The following PLD5 variants were observed in gnomAD, a reference collection of about 807,000 sequenced individuals.
PLD5 encodes the protein inactive phospholipase D5.
Under a neutral mutation model 61.1 loss-of-function variants are expected in PLD5, and 36 were observed. The ratio of observed to expected loss-of-function variants is 0.59; its 90% CI spans 0.45 to 0.78. The LOEUF is 0.78. Among genes scored for constraint, PLD5 ranks in the 30% least tolerant of loss-of-function variants. PLD5 has a pLI of 0.00. For synonymous variants in PLD5, 243 were observed against 242.8 expected, an observed-to-expected ratio of 1.00 and a Z score of -0.01; for missense variants, 515 against 644.4, an observed-to-expected ratio of 0.80 and a Z score of 2.17.
intron 5 of PLD5, among the ~76,000 whole-genome samples, chr1:242,198,024 G>C (rs1472160973): frequency 1.3e-5 from 2 of 152,146 alleles, no homozygotes; most frequent in African/African-American, 4.8e-5. Context: ...TAGCCCTACT[G>C]CTGCCAGTGG....
chr1:242,290,785 AC>A (rs1232160626), intron 2 of PLD5, among the ~76,000 whole-genome samples: 1 of 150,980 alleles, frequency 6.6e-6, no homozygotes, highest in Non-Finnish European at 1.5e-5. Flanking sequence ...TTCTTGCAAA[AC>A]CAACATATTG....
At chr1:242,471,471 C>A (rs1667446850) in intron 1 of PLD5, among the ~76,000 whole-genome samples, 1 of 151,958 alleles carries the variant, frequency 6.6e-6, no homozygotes, top group Non-Finnish European at 1.5e-5. Context: ...AATTCCTGAG[C>A]GAAATGGGTT....
intron 4 of PLD5, among the ~76,000 whole-genome samples, chr1:242,227,661 G>C (rs930156533): frequency 2.0e-5 from 3 of 152,204 alleles, no homozygotes; most frequent in African/African-American, 7.2e-5. Flanking sequence ...ACCGTGCCCA[G>C]CCCTCTTCAC....
At chr1:242,136,713 G>A (rs765625590) in intron 5 of PLD5, among the ~76,000 whole-genome samples, 2 of 152,154 alleles carry the variant, frequency 1.3e-5, no homozygotes, top group Non-Finnish European at 1.5e-5. Context: ...AACTTCACGT[G>A]GGAATGCTTT....
intron 2 of PLD5, among the ~76,000 whole-genome samples, chr1:242,313,136 C>T (rs1676804013): frequency 1.3e-5 from 2 of 152,218 alleles, no homozygotes; most frequent in Non-Finnish European, 2.9e-5. Flanking sequence ...TGGCCACTAT[C>T]ATAAAAATAG....
At chr1:242,133,097 G>C (rs1182521086) in intron 5 of PLD5, among the ~76,000 whole-genome samples, 1 of 145,066 alleles carries the variant, frequency 6.9e-6, no homozygotes, top group African/African-American at 2.6e-5. Context: ...AAGTACCTCT[G>C]ACTGGTCCCC....
At chr1:242,262,653 C>CG (rs1673439197) in intron 4 of PLD5, among the ~76,000 whole-genome samples, 1 of 151,908 alleles carries the variant, frequency 6.6e-6, no homozygotes, top group South Asian at 2.1e-4. Context: ...AGAAGAAAGA[C>CG]GGGGGGATAG....
At chr1:242,180,599 G>T (rs1449571632) in intron 5 of PLD5, among the ~76,000 whole-genome samples, 1 of 152,168 alleles carries the variant, frequency 6.6e-6, no homozygotes, top group Admixed American at 6.5e-5. Flanking sequence ...AAACTTGAAT[G>T]TCCATAGGAA....
intron 2 of PLD5, among the ~76,000 whole-genome samples, chr1:242,319,844 C>A (rs1178959344): frequency 1.1e-4 from 17 of 152,214 alleles, no homozygotes; most frequent in Admixed American, 9.8e-4. Flanking sequence ...TCCTCTACCC[C>A]CTCTCACATG....
chr1:242,361,969 ATT>A (rs1172656842), intron 1 of PLD5, among the ~76,000 whole-genome samples: 16 of 137,524 alleles, frequency 1.2e-4, no homozygotes, highest in Non-Finnish European at 1.4e-4. Flanking sequence ...ACCTCATCTC[ATT>A]TTTTTTTTTT....
At chr1:242,530,441 G>A in the PLD5 span, among the ~76,000 whole-genome samples, 3,993 of 152,272 alleles carry the variant, frequency 0.026, 168 homozygotes, top group African/African-American at 0.091. Flanking sequence ...ATAATCTAGC[G>A]TGACTAAAAG....
At chr1:242,515,520 C>A (rs572496598) in intron 1 of PLD5, among the ~76,000 whole-genome samples, 1 of 152,292 alleles carries the variant, frequency 6.6e-6, no homozygotes, top group East Asian at 1.9e-4. Context: ...GCCAGCTTTG[C>A]CTGTTTCTTG....
At chr1:242,364,784 C>G (rs2580240) in intron 1 of PLD5, among the ~76,000 whole-genome samples, 4 of 151,968 alleles carry the variant, frequency 2.6e-5, no homozygotes, top group Non-Finnish European at 5.9e-5. Context: ...TAAATGTATA[C>G]TTTAAAAATG....
chr1:242,382,443 T>C (rs1297873781), intron 1 of PLD5, among the ~76,000 whole-genome samples: 1 of 151,990 alleles, frequency 6.6e-6, no homozygotes, highest in Admixed American at 6.6e-5. Context: ...CAGGAGAGAC[T>C]GTGAGGTGGG....
intron 4 of PLD5, among the ~76,000 whole-genome samples, chr1:242,237,950 A>G (rs2149052280): frequency 6.6e-6 from 1 of 152,298 alleles, no homozygotes; most frequent in African/African-American, 2.4e-5. Flanking sequence ...GCAATCACAC[A>G]TTCTCCGATG....
intron 3 of PLD5, among the ~76,000 whole-genome samples, chr1:242,275,048 T>C (rs1558420981): frequency 1.3e-5 from 2 of 151,858 alleles, no homozygotes; most frequent in African/African-American, 4.9e-5. Flanking sequence ...TTATCCTACT[T>C]ACACACATAT....
At chr1:242,328,038 G>A (rs558015465) in intron 2 of PLD5, among the ~76,000 whole-genome samples, 126 of 152,210 alleles carry the variant, frequency 8.3e-4, no homozygotes, top group African/African-American at 2.5e-3. Context: ...TTGCACCACC[G>A]CACTCCAGCC....
chr1:242,251,958 A>G (rs1342990762), intron 4 of PLD5, among the ~76,000 whole-genome samples: 1 of 152,178 alleles, frequency 6.6e-6, no homozygotes, highest in Non-Finnish European at 1.5e-5. Flanking sequence ...CCAGGCTGAT[A>G]GCCTCTAGTT....
chr1:242,291,159 A>T (rs571976409), intron 2 of PLD5, among the ~76,000 whole-genome samples: 1 of 151,966 alleles, frequency 6.6e-6, no homozygotes, highest in Non-Finnish European at 1.5e-5. Context: ...CAATTCCTAC[A>T]CTGGTTATTG....
Sources: gnomAD v4.1 joint callset for allele counts (sites outside exome capture counted in the v4.1 genomes callset) on GRCh38, gnomAD v4.1.1 for gene constraint, MANE v1.5 for transcripts, NCBI Gene and HGNC (gene_info 2026-07-23, HGNC 2026-07-21) for gene names.